TSHZ3: variants seen among roughly 807,000 people sequenced by gnomAD.
The protein encoded by TSHZ3 is teashirt homolog 3.
Under a neutral mutation model 64.5 loss-of-function variants are expected in TSHZ3, and 10 were observed. That is an observed-to-expected ratio of 0.16 (90% CI 0.10 to 0.26). The LOEUF is 0.26. TSHZ3 is among the 10% of genes least tolerant of loss of function. TSHZ3 has a pLI of 1.00. For missense variants in TSHZ3, 1,242 were observed against 1,421.7 expected (o/e 0.87, Z 2.03); for synonymous variants, 608 against 593.1 (o/e 1.03, Z -0.36).
At chr19:31,224,093 A>G (rs1195894967) in intron 4 of TSHZ3, among the ~76,000 whole-genome samples, 2 of 152,216 alleles carry the variant, frequency 1.3e-5, no homozygotes, top group Non-Finnish European at 2.9e-5. Context: ...GTAGGAGTAC[A>G]GTTACTATTT....
upstream of TSHZ3, among the ~76,000 whole-genome samples, chr19:31,349,776 G>T (rs1198248325): frequency 2.0e-5 from 3 of 149,272 alleles, no homozygotes; most frequent in East Asian, 2.1e-4. Flanking sequence ...CGCAGCCGCC[G>T]CCGCGGCCCG....
At chr19:31,194,945 C>T (rs1974962811) in intron 5 of TSHZ3, among the ~76,000 whole-genome samples, 2 of 152,088 alleles carry the variant, frequency 1.3e-5, no homozygotes, top group South Asian at 4.1e-4. Flanking sequence ...AGAAATGAAT[C>T]ACGCCTTTGA....
chr19:31,314,547 T>C (rs1372988792), intron 1 of TSHZ3, among the ~76,000 whole-genome samples: 3 of 152,242 alleles, frequency 2.0e-5, no homozygotes, highest in African/African-American at 7.2e-5. Flanking sequence ...CATCCCCTTG[T>C]GATACTACAT....
chr19:31,242,520 G>A (rs546283972), exon 3 of TSHZ3, among the ~76,000 whole-genome samples: 33 of 152,256 alleles, frequency 2.2e-4, no homozygotes, highest in Admixed American at 9.2e-4. Flanking sequence ...TCGGTTCTAC[G>A]TGAGAGAACC....
intron 6 of TSHZ3, among the ~76,000 whole-genome samples, chr19:31,152,504 T>C (rs568745782): frequency 6.6e-6 from 1 of 152,210 alleles, no homozygotes; most frequent in East Asian, 1.9e-4. Context: ...TCCTCTTGAG[T>C]TCACAGCCTT....
At chr19:31,180,683 T>A (rs759006488) in intron 5 of TSHZ3, among the ~76,000 whole-genome samples, 1 of 152,232 alleles carries the variant, frequency 6.6e-6, no homozygotes, top group Non-Finnish European at 1.5e-5. Flanking sequence ...TAAAACATAT[T>A]GACGGGCATG....
In TSHZ3 at chr19:31,326,484, G is replaced by A. The variant is rs560415772; in HGVS notation, c.40+22696C>T. On this transcript the variant is annotated intron_variant, in intron 1 of 1. Coordinates refer to ENST00000240587, the MANE Select transcript of TSHZ3 (RefSeq NM_020856.4). ...CCCTGCATGCTTAGAAGCCTGGCGC[G>A]TGTGTGTGCATGTGCACACGTGCCT... Among the ~76,000 whole-genome samples, 8 of 152,358 alleles carry A rather than the reference G, an allele frequency of 5.3e-5. 1 individual carries two copies. Among genetic ancestry groups the A allele is most frequent in the Admixed American group, 2.0e-4 (3 of 15,308 alleles).
At chr19:31,229,317 C>G (rs75194123) in intron 3 of TSHZ3, among the ~76,000 whole-genome samples, 1 of 151,930 alleles carries the variant, frequency 6.6e-6, no homozygotes, top group Non-Finnish European at 1.5e-5. Flanking sequence ...TCTAAAACTA[C>G]GACAATTAAA....
At chr19:31,340,177 C>T (rs1917388335) in intron 1 of TSHZ3, among the ~76,000 whole-genome samples, 1 of 151,734 alleles carries the variant, frequency 6.6e-6, no homozygotes, top group Non-Finnish European at 1.5e-5. Flanking sequence ...GAAGCTGAAC[C>T]CAATGGCAAA....
intron 5 of TSHZ3, among the ~76,000 whole-genome samples, chr19:31,185,942 G>GT (rs1273848616): frequency 1.3e-5 from 2 of 152,090 alleles, no homozygotes; most frequent in Admixed American, 6.5e-5. Flanking sequence ...GAACTCTTTT[G>GT]TATCTGGCTT....
intron 1 of TSHZ3, among the ~76,000 whole-genome samples, chr19:31,246,114 C>T (rs1359064085): frequency 1.3e-5 from 2 of 152,094 alleles, no homozygotes; most frequent in African/African-American, 2.4e-5. Context: ...TCAAAAGTCT[C>T]CAAGAGTTTG....
intron 1 of TSHZ3, among the ~76,000 whole-genome samples, chr19:31,339,805 A>G (rs986422614): frequency 1.3e-5 from 2 of 150,348 alleles, no homozygotes; most frequent in Non-Finnish European, 3.0e-5. Context: ...GGAAAAAAAA[A>G]AGGGGGGGGC....
At chr19:31,203,153 G>A (rs1164628387) in intron 5 of TSHZ3, among the ~76,000 whole-genome samples, 1 of 152,176 alleles carries the variant, frequency 6.6e-6, no homozygotes, top group Non-Finnish European at 1.5e-5. Context: ...GAGAAGAGGT[G>A]ACTTGAAGAA....
Position 31,277,414 on chromosome 19 carries a change from T to C in TSHZ3, c.2379A>G (p.Thr793=), listed in dbSNP as rs1177514761. 1.9e-6 allele frequency: 3 copies of C among 1,613,962 alleles called. No homozygotes were observed. The highest frequency in any genetic ancestry group is 2.7e-5 in the African/African-American group (2 of 74,900). The change falls in exon 2 of 2, where the codon ACA becomes ACG. Residue 793 remains threonine, a synonymous_variant. Transcript: ENST00000240587. This position sits in a 1 kb window ranked among gnomAD's most constrained non-coding sequence, Gnocchi z 4.5. ...HVNNDQPIDL[T]KGKSDKGCSL... ...AGCAGCCTTTGTCACTCTTCCCTTTTGTCAAGTCTATGGGCTGGTCGTTGT... is the reference window on the plus strand; with the variant it reads ...AGCAGCCTTTGTCACTCTTCCCTTTCGTCAAGTCTATGGGCTGGTCGTTGT...
intron 3 of TSHZ3, among the ~76,000 whole-genome samples, chr19:31,228,451 C>T (rs772345957): frequency 8.4e-4 from 126 of 149,630 alleles, no homozygotes; most frequent in Non-Finnish European, 1.3e-3. Flanking sequence ...ACATGAGCCC[C>T]GGAGGCAGAG....
chr19:31,229,357 G>C lies in TSHZ3; in HGVS notation n.551-1217C>G, dbSNP rs189310112. On this transcript the variant is annotated intron_variant and non_coding_transcript_variant, in intron 3 of 6. Coordinates refer to the TSHZ3 transcript ENST00000651361. ...AATGTTATTGGACCAAGGATGGGCA[G>C]GTAGAAAGAACATTAAGAATCTATT... 5.3e-5 allele frequency among the ~76,000 whole-genome samples: 8 copies of C among 152,160 alleles called. No homozygotes were observed. The East Asian group carries it at 1.5e-3, about 29-fold the overall frequency.
chr19:31,301,937 G>C (rs1282136419), intron 1 of TSHZ3, among the ~76,000 whole-genome samples: 1 of 152,092 alleles, frequency 6.6e-6, no homozygotes, highest in Non-Finnish European at 1.5e-5. Context: ...ACCGGCATTT[G>C]AACTCAGGTC....
chr19:31,217,096 G>A (rs1274725539), intron 4 of TSHZ3, among the ~76,000 whole-genome samples: 2 of 152,092 alleles, frequency 1.3e-5, no homozygotes, highest in South Asian at 2.1e-4. Flanking sequence ...ACCGCACCCC[G>A]CCCAGGAGGC....
chr19:31,305,242 G>A (rs1347104653), intron 1 of TSHZ3, among the ~76,000 whole-genome samples: 1 of 150,826 alleles, frequency 6.6e-6, no homozygotes, highest in Non-Finnish European at 1.5e-5. Flanking sequence ...GAAATTCTGT[G>A]CTTTCTGTTA....
Sources: gnomAD v4.1 joint callset for allele counts (sites outside exome capture counted in the v4.1 genomes callset) on GRCh38, gnomAD v4.1.1 for gene constraint, Gnocchi (gnomAD v3.1) non-coding constraint, MANE v1.5 for transcripts, NCBI Gene and HGNC (gene_info 2026-07-23, HGNC 2026-07-21) for gene names.